SH3GL3: variants seen among roughly 807,000 people sequenced by gnomAD.
The protein encoded by SH3GL3 is endophilin-A3.
In SH3GL3, 33 loss-of-function variants were observed where a neutral mutation model predicts 47.7. The ratio of observed to expected loss-of-function variants is 0.69; its 90% CI spans 0.52 to 0.92. The LOEUF (loss-of-function observed/expected upper bound fraction) is 0.92. SH3GL3 is among the 40% of genes least tolerant of loss of function. SH3GL3 has a pLI of 0.00. For synonymous variants in SH3GL3, 155 were observed against 148.8 expected, an observed-to-expected ratio of 1.04 and a Z score of -0.30; for missense variants, 363 against 417.8, an observed-to-expected ratio of 0.87 and a Z score of 1.14.
At chr15:83,548,547 A>G (rs1485664394) in intron 1 of SH3GL3, among the ~76,000 whole-genome samples, 1 of 151,994 alleles carries the variant, frequency 6.6e-6, no homozygotes, top group African/African-American at 2.4e-5. Context: ...TTGCCTGTTT[A>G]TGAGGGATAT....
At chr15:83,523,454 G>A (rs2043290378) in intron 1 of SH3GL3, among the ~76,000 whole-genome samples, 1 of 152,194 alleles carries the variant, frequency 6.6e-6, no homozygotes, top group Admixed American at 6.5e-5. Flanking sequence ...CATCTCCCAG[G>A]AAGCTTCCCA....
chr15:83,511,251 G>T (rs1476830864), intron 1 of SH3GL3, among the ~76,000 whole-genome samples: 3 of 152,140 alleles, frequency 2.0e-5, no homozygotes, highest in African/African-American at 4.8e-5. Flanking sequence ...TTTGCAGAAA[G>T]TACCACCTCT....
At chr15:83,622,735 C>T (rs1452878036), downstream of SH3GL3, among the ~76,000 whole-genome samples, 1 of 152,242 alleles carries the variant, frequency 6.6e-6, no homozygotes, top group Non-Finnish European at 1.5e-5. Context: ...GATAGTGTCT[C>T]ACACATGCTC....
At chr15:83,594,988 T>G (rs1337832008) in intron 8 of SH3GL3, among the ~76,000 whole-genome samples, 2 of 152,188 alleles carry the variant, frequency 1.3e-5, no homozygotes, top group Non-Finnish European at 2.9e-5. Flanking sequence ...TGACCCAGCA[T>G]TCCCGTTACC....
downstream of SH3GL3, among the ~76,000 whole-genome samples, chr15:83,622,840 ACTT>A (rs374057701): frequency 1.6e-4 from 25 of 152,230 alleles, no homozygotes; most frequent in East Asian, 4.4e-3. Context: ...CTTGCACATC[ACTT>A]CTTCTGGCAT....
At chr15:83,461,419 A>C (rs1343402497) in intron 1 of SH3GL3, among the ~76,000 whole-genome samples, 2 of 152,152 alleles carry the variant, frequency 1.3e-5, no homozygotes, top group Non-Finnish European at 2.9e-5. Context: ...ATGGATTATA[A>C]TTTTTATGAC....
At chr15:83,523,962 A>C (rs987480485) in intron 1 of SH3GL3, among the ~76,000 whole-genome samples, 2 of 152,078 alleles carry the variant, frequency 1.3e-5, no homozygotes, top group African/African-American at 2.4e-5. Context: ...AAAAAAAAAA[A>C]AAAAACAGAC....
intron 1 of SH3GL3, among the ~76,000 whole-genome samples, chr15:83,544,072 C>T (rs2044292713): frequency 6.6e-6 from 1 of 150,964 alleles, no homozygotes; most frequent in African/African-American, 2.4e-5. Context: ...TTTGCTCTTG[C>T]TTTTCTAGTT....
intron 8 of SH3GL3, among the ~76,000 whole-genome samples, chr15:83,592,509 C>CAT (rs56093047): frequency 0.26 from 39,826 of 152,044 alleles, 5,604 homozygotes; most frequent in East Asian, 0.39. Flanking sequence ...AGACCCATGT[C>CAT]ATGGTCAAAG....
intron 1 of SH3GL3, among the ~76,000 whole-genome samples, chr15:83,527,638 A>G (rs1301445113): frequency 6.6e-6 from 1 of 152,162 alleles, no homozygotes; most frequent in Non-Finnish European, 1.5e-5. Context: ...TGGGTGGCAT[A>G]TAGTTGGCTA....
intron 1 of SH3GL3, among the ~76,000 whole-genome samples, chr15:83,558,337 G>C (rs549565989): frequency 6.6e-5 from 10 of 152,008 alleles, no homozygotes; most frequent in African/African-American, 2.4e-4. Flanking sequence ...TGGGCGTTGC[G>C]TAACTTTCAG....
In SH3GL3 at chr15:83,591,565, A is replaced by G. The variant is rs190712130; in HGVS notation, c.838+2794A>G. Among the ~76,000 whole-genome samples, 268 of 152,280 alleles carry G rather than the reference A, an allele frequency of 1.8e-3. 1 individual carries two copies. The highest frequency in any genetic ancestry group is 3.7e-3 in the African/African-American group (155 of 41,570). ...GGTAATATACGTATGTGGTTTTAAAAAGGCAAATGTAGTTACCTCTACCTC... is the reference window on the plus strand; with the variant it reads ...GGTAATATACGTATGTGGTTTTAAAGAGGCAAATGTAGTTACCTCTACCTC... On this transcript the variant is annotated intron_variant, in intron 8 of 8. Coordinates refer to ENST00000427482, the MANE Select transcript of SH3GL3 (RefSeq NM_003027.5).
the SH3GL3 span, among the ~76,000 whole-genome samples, chr15:83,625,748 C>T: frequency 1.3e-5 from 2 of 151,852 alleles, no homozygotes; most frequent in Non-Finnish European, 2.9e-5. Context: ...CTAATTTTAG[C>T]CTTTATTTCT....
intron 6 of SH3GL3, among the ~76,000 whole-genome samples, chr15:83,583,630 T>C (rs948721694): frequency 5.3e-5 from 8 of 152,198 alleles, no homozygotes; most frequent in African/African-American, 1.9e-4. Context: ...CCAACGGCCA[T>C]ATATGCTGCT....
At chr15:83,632,028 A>T in the SH3GL3 span, among the ~76,000 whole-genome samples, 4 of 152,076 alleles carry the variant, frequency 2.6e-5, no homozygotes, top group African/African-American at 4.8e-5. Flanking sequence ...CATCTCTCTC[A>T]AGTTCAAAGT....
chr15:83,477,529 A>C (rs545700501), intron 1 of SH3GL3, among the ~76,000 whole-genome samples: 1 of 152,180 alleles, frequency 6.6e-6, no homozygotes, highest in African/African-American at 2.4e-5. Context: ...ATTGATCATC[A>C]TCATATTCTT....
intron 5 of SH3GL3, among the ~76,000 whole-genome samples, chr15:83,573,283 A>G (rs1459474775): frequency 2.6e-5 from 4 of 152,198 alleles, no homozygotes; most frequent in African/African-American, 9.6e-5. Context: ...CGTCTTATGG[A>G]TATGTACAGA....
At chr15:83,620,200 T>G (rs1016229444), downstream of SH3GL3, among the ~76,000 whole-genome samples, 11 of 152,226 alleles carry the variant, frequency 7.2e-5, no homozygotes, top group African/African-American at 2.7e-4. Flanking sequence ...TCTTAAGCCC[T>G]TCAAAGTCAT....
At chr15:83,475,958 CAGTT>C (rs775281650) in intron 1 of SH3GL3, among the ~76,000 whole-genome samples, 5 of 152,106 alleles carry the variant, frequency 3.3e-5, no homozygotes, top group Admixed American at 3.3e-4. Context: ...AAATGTTTTG[CAGTT>C]AGTTAATCAA....
Sources: allele counts gnomAD v4.1 joint callset (sites outside exome capture counted in the v4.1 genomes callset), GRCh38; gene constraint gnomAD v4.1.1; transcripts MANE v1.5; gene names NCBI Gene and HGNC (gene_info 2026-07-23, HGNC 2026-07-21).